The following POM121C variants were observed in gnomAD, a reference collection of about 807,000 sequenced individuals.
The protein encoded by POM121C is POM121 transmembrane nucleoporin C, also known as nuclear envelope pore membrane protein POM 121C.
A neutral mutation model predicts 66.4 loss-of-function variants in POM121C; 20 were observed. The ratio of observed to expected loss-of-function variants is 0.30; its 90% CI spans 0.21 to 0.44. The LOEUF (loss-of-function observed/expected upper bound fraction) is 0.44. POM121C is among the 20% of genes least tolerant of loss of function. The probability of loss-of-function intolerance (pLI) is 1.00; values close to 1 mark genes in which losing one functional copy is unlikely to be tolerated. For synonymous variants in POM121C, 286 were observed against 528.0 expected, an observed-to-expected ratio of 0.54 and a Z score of 6.28; for missense variants, 580 against 1,225.7, an observed-to-expected ratio of 0.47 and a Z score of 7.87.
chr7:75,483,972 C>A, intron 1 of POM121C, among the ~76,000 whole-genome samples: 1 of 152,064 alleles, frequency 6.6e-6, no homozygotes. Context: ...CATGGTGGCC[C>A]ACGCCTGTAA....
chr7:75,447,732 AC>A, intron 3 of POM121C, among the ~76,000 whole-genome samples: 2 of 152,150 alleles, frequency 1.3e-5, no homozygotes. Context: ...AAAAAAAAAA[AC>A]AAAAATTAGG....
At chr7:75,475,933 G>T (rs587645078) in intron 1 of POM121C, among the ~76,000 whole-genome samples, 2,112 of 151,920 alleles carry the variant, frequency 0.014, 59 homozygotes, top group African/African-American at 0.047. Flanking sequence ...AGGGGAGGAA[G>T]AATATGATGA....
intron 13 of POM121C, chr7:75,421,274 C>A: frequency 2.4e-6 from 3 of 1,253,314 alleles, no homozygotes; most frequent in South Asian, 3.2e-5. Flanking sequence ...CTGCGCCCAA[C>A]CTTCAGCTTA....
intron 1 of POM121C, 66 bp downstream of exon 1, chr7:75,485,798 G>A (rs1792514223): frequency 4.3e-6 from 2 of 466,130 alleles, no homozygotes; most frequent in Non-Finnish European, 8.5e-6. Context: ...CACACTCAAA[G>A]GTCCCCAACA....
chr7:75,459,602 A>AAAAC (rs1791379331), intron 3 of POM121C, among the ~76,000 whole-genome samples: 1 of 141,252 alleles, frequency 7.1e-6, no homozygotes, highest in Non-Finnish European at 1.5e-5. Flanking sequence ...TCTGTCTCAA[A>AAAAC]AAAAAAAAAA....
intron 1 of POM121C, among the ~76,000 whole-genome samples, chr7:75,475,692 G>A (rs1339049313): frequency 2.6e-5 from 4 of 151,288 alleles, no homozygotes; most frequent in African/African-American, 7.3e-5. Flanking sequence ...ATAGCCAGTG[G>A]CCTCTGGCTA....
At chr7:75,461,422 A>C (rs1301714538) in intron 3 of POM121C, among the ~76,000 whole-genome samples, 1 of 152,086 alleles carries the variant, frequency 6.6e-6, no homozygotes, top group African/African-American at 2.4e-5. Context: ...GGGTCATAAA[A>C]CAAATGTTTT....
chr7:75,462,921 G>C (rs1791495055), intron 3 of POM121C, among the ~76,000 whole-genome samples: 1 of 151,976 alleles, frequency 6.6e-6, no homozygotes, highest in African/African-American at 2.4e-5. Context: ...TGCACATGCT[G>C]AGTGCAGAGC....
chr7:75,429,851 A>G (rs191989512), intron 7 of POM121C, among the ~76,000 whole-genome samples: 164 of 152,168 alleles, frequency 1.1e-3, no homozygotes, highest in Admixed American at 9.2e-3. Context: ...TGTCTCTACT[A>G]TAAGTTTTTT....
intron 3 of POM121C, among the ~76,000 whole-genome samples, chr7:75,468,460 T>A (rs13228440): frequency 6.6e-6 from 1 of 151,486 alleles, no homozygotes; most frequent in African/African-American, 2.4e-5. Flanking sequence ...TGGGATTACA[T>A]GCGCCCACCA....
Position 75,424,527 on chromosome 7 carries a change from A to G in POM121C, c.870T>C (p.Ser290=), listed in dbSNP as rs782091733. 5.0e-6 allele frequency: 8 copies of G among 1,613,376 alleles called. No homozygotes were observed. The highest frequency in any genetic ancestry group is 1.3e-5 in the African/African-American group (1 of 74,816). Reference sequence around the variant, plus strand: ...AGTGCAACGATCTGTGCTCCTTACCACTCTTGTCCTCCAAGGCCTGGTTGA... The same window carrying G: ...AGTGCAACGATCTGTGCTCCTTACCGCTCTTGTCCTCCAAGGCCTGGTTGA... ...QWFNQALEDK[S]DAASNSVTET... is the part of the protein sequence containing the mutation. Residue 290 remains serine, a splice_region_variant and synonymous_variant, in exon 11 of 15, where the codon AGT becomes AGC. Transcript: ENST00000615331.
chr7:75,439,033 C>A, intron 6 of POM121C, 111 bp downstream of exon 6: 3 of 1,202,900 alleles, frequency 2.5e-6, no homozygotes, highest in Non-Finnish European at 3.6e-6. Context: ...AGACATGAAC[C>A]TGAACTAATT....
At chr7:75,424,412 T>C (rs1789852983) in intron 11 of POM121C, 114 bp downstream of exon 11, 2 of 1,463,182 alleles carry the variant, frequency 1.4e-6, no homozygotes, top group East Asian at 2.3e-5. Flanking sequence ...CAAGAAAACA[T>C]GGAACTCTAC....
chr7:75,440,679 C>T (rs587723268), intron 5 of POM121C: 22 of 518,734 alleles, frequency 4.2e-5, no homozygotes, highest in African/African-American at 2.3e-4. Context: ...ACTTTTAACA[C>T]GTTTCTACAG....
chr7:75,474,737 T>G lies in POM121C; in HGVS notation c.-185A>C. The stretch of plus-strand genomic sequence containing the variant: ...TGTTGACATGGAAATTCACCTCCCG[T>G]TATCCACAGCTCCTCTCCCTGCTCC... On this transcript the variant is annotated 5_prime_UTR_variant, in exon 3 of 15. An upstream open reading frame in the 5' UTR loses its in-frame stop. Transcript: ENST00000615331. 6.8e-7 allele frequency: 1 copy of G among 1,467,984 alleles called. No individual in the cohort carries two copies. Among genetic ancestry groups the G allele is most frequent in the Non-Finnish European group, 9.5e-7 (1 of 1,055,182 alleles). 90.9% of individuals were successfully genotyped at this position (1,467,984 alleles called of 1,614,324 possible).
chr7:75,447,751 C>T (rs1234625651), intron 3 of POM121C, among the ~76,000 whole-genome samples: 9 of 151,798 alleles, frequency 5.9e-5, no homozygotes, highest in African/African-American at 2.2e-4. Flanking sequence ...AGGCCAGGAG[C>T]AGTGGCTCAC....
Position 75,417,131 on chromosome 7 carries a change from T to A in POM121C, c.*1665A>T. ...GTATTTAGGCTTGAGGTTCACTCCC[T>A]CCTCAGCTGCACACGCAGCCAGGTA... is the stretch of plus-strand genomic sequence containing the variant. On this transcript the variant is annotated 3_prime_UTR_variant, in exon 15 of 15. Transcript: ENST00000615331. The A allele has an allele frequency of 9.9e-7, 1 of 1,007,734 alleles. No homozygotes were observed. Among genetic ancestry groups the A allele is most frequent in the Non-Finnish European group, 1.2e-6 (1 of 840,736 alleles). The allele number at this position is 1,007,734 out of a possible 1,614,324, so 62.4% of individuals were successfully genotyped here. A position where few individuals can be genotyped will look rare whatever the true frequency, so the allele number is the denominator to read the frequency against.
intron 3 of POM121C, among the ~76,000 whole-genome samples, chr7:75,467,166 C>T (rs1218670477): frequency 1.3e-5 from 2 of 152,082 alleles, no homozygotes; most frequent in Non-Finnish European, 2.9e-5. Flanking sequence ...ATGCAGTGTC[C>T]CATATTACCA....
chr7:75,441,374 T>A, intron 4 of POM121C, 58 bp downstream of exon 4: 2 of 1,509,676 alleles, frequency 1.3e-6, no homozygotes. Context: ...CAGGAACAAC[T>A]GGAGAAGAAT....
Sources: allele counts gnomAD v4.1 joint callset (sites outside exome capture counted in the v4.1 genomes callset), GRCh38; gene constraint gnomAD v4.1.1; transcripts MANE v1.5; gene names NCBI Gene and HGNC (gene_info 2026-07-23, HGNC 2026-07-21).